Variants in ZNF700 observed in about 807,000 individuals in gnomAD.
ZNF700 encodes the protein zinc finger protein 700.
ZNF700 carries 38 observed loss-of-function variants against 65.3 expected under a neutral mutation model. That is an observed-to-expected ratio of 0.58 (90% CI 0.45 to 0.76). ZNF700 has a LOEUF of 0.76. Ranked by LOEUF, ZNF700 falls within the 30% of genes least tolerant of loss-of-function variation. The pLI is 0.00. For synonymous variants in ZNF700, 285 were observed against 290.4 expected (o/e 0.98, Z 0.19); for missense variants, 857 against 888.4 (o/e 0.96, Z 0.45).
In ZNF700 at chr19:11,950,723, TAAG is replaced by T. The variant is rs1008127105; in HGVS notation, c.*474_*476del. On this transcript the variant is annotated 3_prime_UTR_variant, in exon 4 of 4. Coordinates refer to ENST00000254321, the MANE Select transcript of ZNF700 (RefSeq NM_144566.3). ...ATACTAACATGTTATTCTTTTTAAA[TAAG>T]AAGGTATAATAAAATATCCCATTGG... 1.3e-4 allele frequency: 26 copies of T among 203,186 alleles called. No individual in the cohort carries two copies. The highest frequency in any genetic ancestry group is 4.4e-4 in the South Asian group (6 of 13,558). 12.6% of individuals were successfully genotyped at this position (203,186 alleles called of 1,614,324 possible). A position where few individuals can be genotyped will look rare whatever the true frequency, so the allele number is the denominator to read the frequency against.
intron 1 of ZNF700, chr19:11,946,638 T>A (rs1972963725): frequency 6.6e-6 from 1 of 152,380 alleles, no homozygotes; most frequent in Non-Finnish European, 1.5e-5. Flanking sequence ...CCAGGCTTCC[T>A]TCTGATGGCC....
rs1321869961 is a variant in ZNF700 at position 11,948,933 on chromosome 19, G to A, written c.909G>A (p.Glu303=). The part of the protein sequence containing the change: ...YHRHERSHMG[E]KPYQCKECGK... ...GACATGAAAGAAGTCACATGGGAGAGAAGCCTTATCAATGCAAAGAATGTG... is the reference window on the plus strand; with the variant it reads ...GACATGAAAGAAGTCACATGGGAGAAAAGCCTTATCAATGCAAAGAATGTG... Residue 303 remains glutamate (E), a synonymous_variant, in exon 4 of 4, where the codon GAG becomes GAA. Coordinates refer to ENST00000254321, the MANE Select transcript of ZNF700 (RefSeq NM_144566.3). 2.5e-6 allele frequency: 4 copies of A among 1,607,726 alleles called. No homozygotes were observed. Among genetic ancestry groups the A allele is most frequent in the Non-Finnish European group, 3.4e-6 (4 of 1,178,684 alleles).
At chr19:11,930,548 A>G (rs997956629) in intron 1 of ZNF700, among the ~76,000 whole-genome samples, 1 of 148,634 alleles carries the variant, frequency 6.7e-6, no homozygotes, top group Non-Finnish European at 1.5e-5. Context: ...TATAACCGGC[A>G]ACTCTAGAAT....
At chr19:11,934,792 G>T (rs1281135483) in intron 1 of ZNF700, among the ~76,000 whole-genome samples, 2 of 147,986 alleles carry the variant, frequency 1.4e-5, no homozygotes, top group African/African-American at 2.6e-5. Context: ...TTCCCAATGT[G>T]CTGGATTACA....
At chr19:11,929,441 G>A (rs1189886393) in intron 1 of ZNF700, among the ~76,000 whole-genome samples, 1 of 148,514 alleles carries the variant, frequency 6.7e-6, no homozygotes, top group Non-Finnish European at 1.5e-5. Context: ...GGGATTACGG[G>A]TGTGAACCAC....
rs533239299 is a variant in ZNF700 at position 11,927,026 on chromosome 19, G to A, written c.63+1753G>A. ...TCTCACACAGGAAGGAATTCAAGAC[G>A]AGTCACAAAGTGCAGTGAGAAGAGA... On this transcript the variant is annotated intron_variant, in intron 1 of 3. Transcript: ENST00000254321. Among the ~76,000 whole-genome samples, 4 of 152,244 alleles carry A rather than the reference G, an allele frequency of 2.6e-5. No homozygotes were observed. The East Asian group carries it at 7.7e-4, about 29-fold the overall frequency.
intron 1 of ZNF700, among the ~76,000 whole-genome samples, chr19:11,939,286 G>C (rs1022672881): frequency 3.3e-5 from 5 of 152,140 alleles, no homozygotes; most frequent in Admixed American, 6.6e-5. Context: ...GTGTTTTAGT[G>C]ATGAAGTCCT....
At chr19:11,928,556 C>A (rs1396345895) in intron 1 of ZNF700, among the ~76,000 whole-genome samples, 1 of 149,012 alleles carries the variant, frequency 6.7e-6, no homozygotes, top group Non-Finnish European at 1.5e-5. Flanking sequence ...AACGGTGAAA[C>A]CCCGTCTCTA....
In ZNF700 at chr19:11,949,681, TATC is replaced by T; in HGVS notation, c.1660_1662del (p.His554del). ...CTTCAGATGTTGCAATTCCCTTCGA[TATC>T]ATGAAAGGACTCACACTGGAGAGAA... On this transcript the variant is annotated inframe_deletion, in exon 4 of 4. Coordinates refer to ENST00000254321, the MANE Select transcript of ZNF700 (RefSeq NM_144566.3). 1 of 1,607,400 alleles carries T rather than the reference TATC, an allele frequency of 6.2e-7. No individual in the cohort carries two copies. The highest frequency in any genetic ancestry group is 1.7e-5 in the Admixed American group (1 of 59,240).
chr19:11,949,298 A>T lies in ZNF700; in HGVS notation c.1274A>T (p.Lys425Ile). The change falls in exon 4 of 4, where the codon AAA becomes ATA. Residue 425 changes from lysine to isoleucine, a missense_variant. Lys to Ile is a moderately radical substitution (Grantham distance 102, BLOSUM62 -3). Transcript: ENST00000254321. Reference sequence around the variant, plus strand: ...CCCTATGAGTGTAAGCAGTGTGGGAAAGCCTTCAGATCTGCCTCACAGCTT... The same window carrying T: ...CCCTATGAGTGTAAGCAGTGTGGGATAGCCTTCAGATCTGCCTCACAGCTT... ...EKPYECKQCG[K>I]AFRSASQLRV... is the part of the protein sequence containing the mutation. 1 of 1,614,114 alleles carries T rather than the reference A, an allele frequency of 6.2e-7. No homozygotes were observed. Among genetic ancestry groups the T allele is most frequent in the South Asian group, 1.1e-5 (1 of 91,066 alleles).
rs73509026 is a variant in ZNF700 at position 11,948,652 on chromosome 19, C to G, written c.628C>G (p.Arg210Gly). 60,564 of 1,611,612 alleles carry G rather than the reference C, an allele frequency of 0.038. 1,609 individuals are homozygous for G. Among genetic ancestry groups the G allele is most frequent in the African/African-American group, 0.13 (10,078 of 74,662 alleles). ...AACCTTTATTTTCCATTCAAGCATT[C>G]GAAGACACATGGTAATGCACAGTGG... ...GKTFIFHSSI[R>G]RHMVMHSGDG... is the part of the protein sequence containing the mutation. The change falls in exon 4 of 4, where the codon CGA becomes GGA. Residue 210 changes from arginine (R) to glycine (G), a missense_variant. This residue lies in a region of ZNF700 where 603 missense variants were observed against 619.9 expected (regional missense o/e 0.97). Transcript: ENST00000254321.
In ZNF700 at chr19:11,948,758, C is replaced by T. The variant is rs1435180299; in HGVS notation, c.734C>T (p.Thr245Ile). The change falls in exon 4 of 4, where the codon ACT becomes ATT. Residue 245 changes from threonine (T) to isoleucine (I), a missense_variant. Thr to Ile is a moderately conservative substitution (Grantham distance 89). Coordinates refer to ENST00000254321, the MANE Select transcript of ZNF700 (RefSeq NM_144566.3). ...SLYLIHERTHTGEKPYECKQC... is the reference protein window; with the variant it reads ...SLYLIHERTHIGEKPYECKQC... ...TATCTTATCCATGAAAGAACTCACA[C>T]TGGAGAGAAACCATATGAATGTAAA... 2.5e-6 allele frequency: 4 copies of T among 1,611,890 alleles called. No individual in the cohort carries two copies. The highest frequency in any genetic ancestry group is 1.7e-5 in the Admixed American group (1 of 59,106).
In ZNF700 at chr19:11,947,523, G is replaced by T. The variant is rs747535233; in HGVS notation, c.200G>T (p.Trp67Leu). 5.6e-6 allele frequency: 9 copies of T among 1,612,274 alleles called. No individual in the cohort carries two copies. The highest frequency in any genetic ancestry group is 7.6e-6 in the Non-Finnish European group (9 of 1,179,714). ...TGTGTCTGTATTTTAGGAAAAAAAT[G>T]GAGTGACCAGAACATTGAATATGAG... is the stretch of plus-strand genomic sequence containing the variant. ...FRNLTSIGKK[W>L]SDQNIEYEYQ... is the part of the protein sequence containing the mutation. The change falls in exon 3 of 4, where the codon TGG (tryptophan) becomes TTG (leucine). Residue 67 changes from tryptophan to leucine, a missense_variant. Transcript: ENST00000254321.
chr19:11,950,113 AC>A lies in ZNF700; in HGVS notation c.2090del (p.Thr697AsnfsTer124), dbSNP rs1568299092. ...CAAGATTCTTCAAATACATGCAAGA[AC>A]ACACATTGGAGAGAAACACTATGAA... Reference protein sequence around the residue: ...SAKILQIHARTHIGEKHYECK... With the variant: ...SAKILQIHARXHIGEKHYECK... On this transcript the variant is annotated frameshift_variant, in exon 4 of 4. Coordinates refer to ENST00000254321, the MANE Select transcript of ZNF700 (RefSeq NM_144566.3). LOFTEE classifies it high-confidence loss of function. 1 of 1,614,234 alleles carries A rather than the reference AC, an allele frequency of 6.2e-7. No individual in the cohort carries two copies. Among genetic ancestry groups the A allele is most frequent in the African/African-American group, 1.3e-5 (1 of 75,068 alleles).
Position 11,925,120 on chromosome 19 carries a change from G to C in ZNF700, c.-91G>C, listed in dbSNP as rs998478729. ...GGGGGTCGCTTTCCTCACCTTCCTC[G>C]CTGCGCGGGCGGCGGTTGGTAACCG... On this transcript the variant is annotated 5_prime_UTR_variant, in exon 1 of 4. Transcript: ENST00000254321. 7.3e-6 allele frequency: 11 copies of C among 1,509,890 alleles called. No homozygotes were observed. The highest frequency in any genetic ancestry group is 1.0e-5 in the Non-Finnish European group (11 of 1,101,356). 93.5% of individuals were successfully genotyped at this position (1,509,890 alleles called of 1,614,324 possible).
At chr19:11,947,097 C>G (rs1215110469) in intron 1 of ZNF700, 84 bp from the exon 2 acceptor site, 2 of 1,543,342 alleles carry the variant, frequency 1.3e-6, no homozygotes, top group Non-Finnish European at 1.7e-6. Flanking sequence ...TCCACAGCAT[C>G]CTGAGAACTT....
intron 1 of ZNF700, among the ~76,000 whole-genome samples, chr19:11,941,509 C>G (rs1972883324): frequency 6.6e-6 from 1 of 152,204 alleles, no homozygotes; most frequent in South Asian, 2.1e-4. Flanking sequence ...ACTGGGGGAC[C>G]CAGTACACCC....
intron 1 of ZNF700, among the ~76,000 whole-genome samples, chr19:11,935,798 G>A (rs1373674856): frequency 6.6e-6 from 1 of 152,150 alleles, no homozygotes; most frequent in Admixed American, 6.5e-5. Context: ...GTGTTGGTTT[G>A]TTGCACCCAT....
chr19:11,935,230 C>CT (rs1972775765), intron 1 of ZNF700, among the ~76,000 whole-genome samples: 1 of 115,150 alleles, frequency 8.7e-6, no homozygotes, highest in African/African-American at 3.3e-5. Flanking sequence ...TTGGAAAGAT[C>CT]TTGTTTTTTT....
Sources: gnomAD v4.1 joint callset for allele counts (sites outside exome capture counted in the v4.1 genomes callset) on GRCh38, gnomAD v4.1.1 for gene constraint, gnomAD v4.1.1 regional missense constraint, MANE v1.5 for transcripts, NCBI Gene and HGNC (gene_info 2026-07-23, HGNC 2026-07-21) for gene names.